The following TRAF1 variants were observed in gnomAD, a reference collection of about 807,000 sequenced individuals.
TRAF1 encodes the protein TNF receptor associated factor 1.
In TRAF1, 23 loss-of-function variants were observed where a neutral mutation model predicts 40.9. The observed-to-expected ratio is 0.56, with a 90% CI of 0.40 to 0.80. The LOEUF (loss-of-function observed/expected upper bound fraction) is 0.80. TRAF1 is among the 30% of genes least tolerant of loss of function. TRAF1 has a pLI of 0.00. For synonymous variants in TRAF1, 206 were observed against 218.8 expected, an observed-to-expected ratio of 0.94 and a Z score of 0.52; for missense variants, 477 against 528.7, an observed-to-expected ratio of 0.90 and a Z score of 0.96.
chr9:120,924,662 G>A (rs2046627004), intron 2 of TRAF1, among the ~76,000 whole-genome samples: 1 of 152,170 alleles, frequency 6.6e-6, no homozygotes, highest in Non-Finnish European at 1.5e-5. Context: ...TGATCCTCCT[G>A]CCTCGGCCTG....
At position 120,904,997 on chromosome 9, in the gene TRAF1, C is replaced by T. The variant is rs2131615540; in HGVS notation, c.*23G>A. 6.2e-7 allele frequency: 1 copy of T among 1,604,582 alleles called. No individual in the cohort carries two copies. The highest frequency in any genetic ancestry group is 2.2e-5 in the East Asian group (1 of 44,686). ...TGGCTAGCTCCCTTCTGAGTTGGAG[C>T]TCCCTCAGGAGCCCCGCCCACCCTA... On this transcript the variant is annotated 3_prime_UTR_variant, in exon 8 of 8. Transcript: ENST00000373887.
chr9:120,911,297 T>C, intron 6 of TRAF1, 39 bp downstream of exon 6: 1 of 1,597,290 alleles, frequency 6.3e-7, no homozygotes. Context: ...GTGGGGCCTG[T>C]TTCCCCAGGC....
Position 120,913,337 on chromosome 9 carries a change from C to T in TRAF1, c.696G>A (p.Leu232=), listed in dbSNP as rs1436907331. 3 of 1,606,346 alleles carry T rather than the reference C, an allele frequency of 1.9e-6. No individual in the cohort carries two copies. Among genetic ancestry groups the T allele is most frequent in the Non-Finnish European group, 2.6e-6 (3 of 1,174,832 alleles). Residue 232 remains leucine, a synonymous_variant, in exon 5 of 8, where the codon TTG becomes TTA. Coordinates refer to ENST00000373887, the MANE Select transcript of TRAF1 (RefSeq NM_005658.5). Reference sequence around the variant, plus strand: ...TGCCTCCCACACTCACCCTCTGCTCCAAGCTCAGGATGCGCTCACGGTCCA... The same window carrying T: ...TGCCTCCCACACTCACCCTCTGCTCTAAGCTCAGGATGCGCTCACGGTCCA... ...SQLDRERILS[L]EQRVVELQQT...
Position 120,909,308 on chromosome 9 carries a change from C to G in TRAF1, c.954G>C (p.Lys318Asn). 1 of 1,614,212 alleles carries G rather than the reference C, an allele frequency of 6.2e-7. No individual in the cohort carries two copies. The highest frequency in any genetic ancestry group is 8.5e-7 in the Non-Finnish European group (1 of 1,180,044). Reference sequence around the variant, plus strand: ...CGATGAAGAGCGACAGATGGGTTCTCTTTCCAGTGCCATCTCCATTCAGGT... The same window carrying G: ...CGATGAAGAGCGACAGATGGGTTCTGTTTCCAGTGCCATCTCCATTCAGGT... Reference protein sequence around the residue: ...RLYLNGDGTGKRTHLSLFIVI... With the variant: ...RLYLNGDGTGNRTHLSLFIVI... Residue 318 changes from lysine (K) to asparagine (N), a missense_variant, in exon 7 of 8, where the codon AAG becomes AAC. Physicochemically the swap from Lys to Asn is moderately conservative, Grantham distance 94. Transcript: ENST00000373887.
At chr9:120,923,605 G>A in intron 3 of TRAF1, 100 bp downstream of exon 3, 1 of 1,068,950 alleles carries the variant, frequency 9.4e-7, no homozygotes. Flanking sequence ...GACTAGTTGG[G>A]AGGTGCCTGC....
At chr9:120,923,663 C>G in intron 3 of TRAF1, 42 bp downstream of exon 3, 2 of 1,608,260 alleles carry the variant, frequency 1.2e-6, no homozygotes, top group Non-Finnish European at 1.7e-6. Flanking sequence ...CTGGAAAAAT[C>G]AAGACAACGG....
upstream of TRAF1, chr9:120,927,347 G>A (rs750335857): frequency 6.6e-5 from 10 of 152,206 alleles, no homozygotes; most frequent in Non-Finnish European, 1.3e-4. Flanking sequence ...ACAGAGCTGA[G>A]TTGAAATCCT....
chr9:120,929,037 G>C (rs1183280065), upstream of TRAF1: 1 of 152,296 alleles, frequency 6.6e-6, no homozygotes. This position sits in a 1 kb window ranked among gnomAD's most constrained non-coding sequence, Gnocchi z 4.5. Flanking sequence ...GCGGGAGCTG[G>C]AGCGGGGAGT....
intron 3 of TRAF1, among the ~76,000 whole-genome samples, chr9:120,916,511 G>A (rs915895918): frequency 6.6e-6 from 1 of 152,034 alleles, no homozygotes; most frequent in African/African-American, 2.4e-5. Flanking sequence ...ATGGAACCAC[G>A]TGAAAGGGGA....
upstream of TRAF1, chr9:120,928,706 A>C (rs1443715994): frequency 6.6e-6 from 1 of 152,200 alleles, no homozygotes; most frequent in Non-Finnish European, 1.5e-5. Flanking sequence ...CCGCCCCATG[A>C]TGAGGCTGGG....
intron 7 of TRAF1, 79 bp downstream of exon 7, chr9:120,909,151 G>C (rs907271743): frequency 1.3e-6 from 2 of 1,538,884 alleles, no homozygotes; most frequent in Non-Finnish European, 1.8e-6. Flanking sequence ...AGGTCACATG[G>C]CCAATTCATT....
rs2046508817 is a variant in TRAF1 at position 120,909,372 on chromosome 9, T to C, written c.890A>G (p.Tyr297Cys). The C allele has an allele frequency of 6.2e-7, 1 of 1,613,808 alleles. No individual in the cohort carries two copies. The highest frequency in any genetic ancestry group is 1.1e-5 in the South Asian group (1 of 91,070). ...RTVSLFSPAFYTAKYGYKLCL... is the reference protein window; with the variant it reads ...RTVSLFSPAFCTAKYGYKLCL... ...CAACTTGTAGCCATACTTGGCAGTG[T>C]AGAAGGCTGAAACGCAGAAGCCAGA... Residue 297 changes from tyrosine to cysteine, a missense_variant, in exon 7 of 8, where the codon TAC becomes TGC. Tyr to Cys is a radical substitution (Grantham distance 194). Transcript: ENST00000373887.
At chr9:120,914,841 A>C (rs1197833826) in intron 3 of TRAF1, among the ~76,000 whole-genome samples, 4 of 152,212 alleles carry the variant, frequency 2.6e-5, no homozygotes, top group African/African-American at 9.7e-5. Flanking sequence ...GGGAAGGGAT[A>C]CAGGAGGGTC....
Position 120,909,211 on chromosome 9 carries a change from A to G in TRAF1, c.1032+19T>C. 1.2e-6 allele frequency: 2 copies of G among 1,611,780 alleles called. No homozygotes were observed. The highest frequency in any genetic ancestry group is 1.7e-6 in the Non-Finnish European group (2 of 1,179,168). On this transcript the variant is annotated intron_variant, in intron 7 of 7. Coordinates refer to ENST00000373887, the MANE Select transcript of TRAF1 (RefSeq NM_005658.5). ...CTTCCATGCTCCCCACCTTACCCCC[A>G]TCACCTTCACACCCATACCTTGTTC...
chr9:120,913,959 G>A (rs2046550602), intron 4 of TRAF1, among the ~76,000 whole-genome samples: 1 of 152,194 alleles, frequency 6.6e-6, no homozygotes. Context: ...CTGCCCTGGA[G>A]TGCAAGGATG....
intron 7 of TRAF1, among the ~76,000 whole-genome samples, chr9:120,908,503 AT>A (rs1277514111): frequency 6.6e-6 from 1 of 152,162 alleles, no homozygotes; most frequent in Non-Finnish European, 1.5e-5. Flanking sequence ...CAAAACAACA[AT>A]TTATTTCTTG....
chr9:120,915,078 C>T (rs530301654), intron 3 of TRAF1, among the ~76,000 whole-genome samples: 61 of 152,244 alleles, frequency 4.0e-4, no homozygotes, highest in African/African-American at 1.4e-3. Flanking sequence ...CCACAGGGCC[C>T]CTCCCACGCA....
chr9:120,912,270 A>C (rs1437292970), intron 5 of TRAF1, among the ~76,000 whole-genome samples: 2 of 152,228 alleles, frequency 1.3e-5, no homozygotes, highest in African/African-American at 2.4e-5. Flanking sequence ...GTAATGGTGA[A>C]GCAGGAACTA....
At chr9:120,914,997 C>G (rs1375774858) in intron 3 of TRAF1, among the ~76,000 whole-genome samples, 1 of 152,124 alleles carries the variant, frequency 6.6e-6, no homozygotes, top group African/African-American at 2.4e-5. Flanking sequence ...TCCTATTTTA[C>G]TGATGAAAAA....
Sources: gnomAD v4.1 joint callset for allele counts (sites outside exome capture counted in the v4.1 genomes callset) on GRCh38, gnomAD v4.1.1 for gene constraint, Gnocchi (gnomAD v3.1) non-coding constraint, MANE v1.5 for transcripts, NCBI Gene and HGNC (gene_info 2026-07-23, HGNC 2026-07-21) for gene names.